FGF14: variants seen among roughly 807,000 people sequenced by gnomAD.
FGF14 encodes the protein fibroblast growth factor 14.
In FGF14, 5 loss-of-function variants were observed where a neutral mutation model predicts 25.5. The ratio of observed to expected loss-of-function variants is 0.20; its 90% CI spans 0.10 to 0.41. FGF14 has a LOEUF of 0.41. FGF14 is among the 10% of genes least tolerant of loss of function. The pLI, the probability that FGF14 is intolerant of heterozygous loss-of-function variation, is 1.00. For synonymous variants in FGF14, 138 were observed against 118.3 expected (o/e 1.17, Z -1.08); for missense variants, 222 against 320.1 (o/e 0.69, Z 2.34).
intron 1 of FGF14, among the ~76,000 whole-genome samples, chr13:102,253,917 A>G (rs1184176721): frequency 6.6e-6 from 1 of 152,198 alleles, no homozygotes; most frequent in Non-Finnish European, 1.5e-5. Flanking sequence ...GAAAATTTCC[A>G]TTTCATTGAC....
intron 1 of FGF14, among the ~76,000 whole-genome samples, chr13:102,085,179 A>G (rs1223166536): frequency 1.3e-5 from 2 of 151,636 alleles, no homozygotes; most frequent in Non-Finnish European, 2.9e-5. Context: ...ACTTCTATTT[A>G]GACTAAAGCT....
At chr13:101,816,227 G>A (rs996021232) in intron 3 of FGF14, among the ~76,000 whole-genome samples, 15 of 142,340 alleles carry the variant, frequency 1.1e-4, no homozygotes, top group Admixed American at 3.7e-4. Context: ...CCGAGATCGC[G>A]CCACTGCACT....
chr13:101,720,257 G>A lies in FGF14; in HGVS notation c.*2574C>T, dbSNP rs2034882684. 6.6e-6 allele frequency: 1 copy of A among 151,992 alleles called. No homozygotes were observed. Among genetic ancestry groups the A allele is most frequent in the East Asian group, 1.9e-4 (1 of 5,172 alleles). 9.4% of individuals were successfully genotyped at this position (151,992 alleles called of 1,614,324 possible). On this transcript the variant is annotated 3_prime_UTR_variant, in exon 5 of 5. Transcript: ENST00000376143. The stretch of plus-strand genomic sequence containing the variant: ...TGCTACAGGTGAGACCAGACACAAA[G>A]TAAATGACCTAACTCAATTACAAAT...
rs144364403 is a variant in FGF14, at chr13:102,080,501, T to C, written c.209-205205A>G. On this transcript the variant is annotated intron_variant, in intron 1 of 4. Transcript: ENST00000376131. ...ACCCTTTGACTGCTGGCTCTCCTGC[T>C]AGCCATTTTCTCCTTTTAAGATGAG... Among the ~76,000 whole-genome samples the C allele has an allele frequency of 3.3e-5, 5 of 152,344 alleles. No homozygotes were observed. The East Asian group carries it at 9.6e-4, about 29-fold the overall frequency.
At chr13:101,930,284 T>C (rs964646446) in intron 1 of FGF14, among the ~76,000 whole-genome samples, 4 of 152,200 alleles carry the variant, frequency 2.6e-5, no homozygotes, top group African/African-American at 7.2e-5. Flanking sequence ...AGTATAGCTT[T>C]TTAGAGAAAT....
At chr13:101,776,878 G>A (rs912790584) in intron 3 of FGF14, among the ~76,000 whole-genome samples, 6 of 152,172 alleles carry the variant, frequency 3.9e-5, no homozygotes, top group Non-Finnish European at 2.9e-5. Context: ...TTTTGGTGAG[G>A]GTTTCCATTT....
intron 3 of FGF14, among the ~76,000 whole-genome samples, chr13:101,732,891 T>C (rs1295670188): frequency 2.0e-5 from 3 of 152,210 alleles, no homozygotes; most frequent in Non-Finnish European, 2.9e-5. Flanking sequence ...TTTTCTTCCC[T>C]TTTCTACATT....
intron 1 of FGF14, among the ~76,000 whole-genome samples, chr13:101,963,198 C>G (rs2036973880): frequency 6.6e-6 from 1 of 152,232 alleles, no homozygotes; most frequent in African/African-American, 2.4e-5. Context: ...GACCATTGCT[C>G]CAACCAACCT....
intron 1 of FGF14, among the ~76,000 whole-genome samples, chr13:102,024,515 T>A (rs1174206579): frequency 6.6e-6 from 1 of 152,044 alleles, no homozygotes; most frequent in Non-Finnish European, 1.5e-5. Context: ...AAAACAAATC[T>A]CTCATAAGAT....
chr13:102,030,111 T>A (rs1272387252), intron 1 of FGF14, among the ~76,000 whole-genome samples: 1 of 152,122 alleles, frequency 6.6e-6, no homozygotes, highest in African/African-American at 2.4e-5. Flanking sequence ...TTTTCATTTA[T>A]AATACCATTA....
At chr13:102,349,703 A>G (rs1356766701) in intron 1 of FGF14, among the ~76,000 whole-genome samples, 1 of 152,234 alleles carries the variant, frequency 6.6e-6, no homozygotes, top group Non-Finnish European at 1.5e-5. Context: ...AAAGAAAGTT[A>G]AAAACCCTGA....
intron 1 of FGF14, among the ~76,000 whole-genome samples, chr13:101,968,654 C>CA (rs1417664268): frequency 2.4e-5 from 3 of 127,110 alleles, no homozygotes; most frequent in Non-Finnish European, 4.6e-5. Context: ...GCCTGGGCGA[C>CA]AGAGCGAGAC....
At chr13:101,772,680 T>C (rs1489672654) in intron 3 of FGF14, among the ~76,000 whole-genome samples, 1 of 152,096 alleles carries the variant, frequency 6.6e-6, no homozygotes, top group East Asian at 1.9e-4. Flanking sequence ...TATGTGGCAA[T>C]GAAGCAATGT....
At chr13:102,208,080 A>G (rs2050010911) in intron 1 of FGF14, among the ~76,000 whole-genome samples, 1 of 152,232 alleles carries the variant, frequency 6.6e-6, no homozygotes, top group Admixed American at 6.5e-5. Context: ...AGGTTAATAT[A>G]GCATTTGAAA....
intron 1 of FGF14, among the ~76,000 whole-genome samples, chr13:102,226,174 T>C (rs758832203): frequency 6.6e-6 from 1 of 152,198 alleles, no homozygotes; most frequent in African/African-American, 2.4e-5. Flanking sequence ...GTTACAAAGG[T>C]GGGCTCTTCA....
At chr13:102,276,979 C>A (rs2053581801) in intron 1 of FGF14, among the ~76,000 whole-genome samples, 1 of 152,122 alleles carries the variant, frequency 6.6e-6, no homozygotes, top group Admixed American at 6.5e-5. Flanking sequence ...AGGGTGCTTG[C>A]TAAAAGCATG....
At chr13:102,236,320 G>A (rs2051326201) in intron 1 of FGF14, among the ~76,000 whole-genome samples, 1 of 152,174 alleles carries the variant, frequency 6.6e-6, no homozygotes, top group African/African-American at 2.4e-5. Flanking sequence ...GCAGATCAGG[G>A]ATGAGAACAG....
intron 3 of FGF14, chr13:101,868,479 T>C (rs2044859322): frequency 4.5e-6 from 2 of 448,500 alleles, no homozygotes; most frequent in Admixed American, 6.7e-5. Context: ...TTCACGTGTA[T>C]ACTAGGTTAT....
At chr13:102,212,113 G>T (rs1343326275) in intron 1 of FGF14, among the ~76,000 whole-genome samples, 1 of 152,132 alleles carries the variant, frequency 6.6e-6, no homozygotes, top group Non-Finnish European at 1.5e-5. Context: ...TCCCCAACCA[G>T]TTCCACAACT....
Sources: allele counts gnomAD v4.1 joint callset (sites outside exome capture counted in the v4.1 genomes callset), GRCh38; gene constraint gnomAD v4.1.1; transcripts MANE v1.5; gene names NCBI Gene and HGNC (gene_info 2026-07-23, HGNC 2026-07-21).